JPH3: variants seen among roughly 807,000 people sequenced by gnomAD.
The protein encoded by JPH3 is junctophilin 3, also known as junctophilin-3.
JPH3 carries 11 observed loss-of-function variants against 59.6 expected under a neutral mutation model. The observed-to-expected ratio is 0.18, with a 90% CI of 0.12 to 0.31. The LOEUF is 0.31. Among genes scored for constraint, JPH3 ranks in the 10% least tolerant of loss-of-function variants. The probability of loss-of-function intolerance (pLI) is 1.00; values close to 1 mark genes in which losing one functional copy is unlikely to be tolerated. For missense variants in JPH3, 1,202 were observed against 1,105.7 expected, an observed-to-expected ratio of 1.09 and a Z score of -1.24; for synonymous variants, 673 against 483.6, an observed-to-expected ratio of 1.39 and a Z score of -5.14.
chr16:87,635,915 G>A (rs1049844613), intron 1 of JPH3, among the ~76,000 whole-genome samples: 2 of 152,242 alleles, frequency 1.3e-5, no homozygotes, highest in African/African-American at 2.4e-5. Flanking sequence ...CTGGAAGGAA[G>A]CAGGGCACCC....
chr16:87,684,092 T>A (rs983094917), intron 2 of JPH3, 50 bp from the exon 3 acceptor site: 1 of 1,443,642 alleles, frequency 6.9e-7, no homozygotes, highest in East Asian at 2.3e-5. Flanking sequence ...CCCAGACCCC[T>A]GTCACCTGTG....
intron 4 of JPH3, chr16:87,696,062 A>G (rs1567621865): frequency 2.2e-6 from 1 of 456,084 alleles, no homozygotes; most frequent in Non-Finnish European, 4.4e-6. Context: ...AGGTGTGGTG[A>G]GGGGGGGTTT....
chr16:87,603,590 C>T (rs1597228744), intron 1 of JPH3, 62 bp downstream of exon 1: 1 of 1,502,506 alleles, frequency 6.7e-7, no homozygotes, highest in South Asian at 1.3e-5. Flanking sequence ...CGCGCCCCTT[C>T]TGTGGATCTC....
Position 87,690,173 on chromosome 16 carries a change from G to A in JPH3, c.1813G>A (p.Glu605Lys). Reference protein sequence around the residue: ...PGGSRLLELQEEKLSNYRMEM... With the variant: ...PGGSRLLELQKEKLSNYRMEM... ...AGGCTCCAGGCTGCTGGAGCTGCAG[G>A]AGGAGAAGCTGAGCAACTACCGGAT... is the stretch of plus-strand genomic sequence containing the variant. The change falls in exon 4 of 5, where the codon GAG becomes AAG. Residue 605 changes from glutamate (E) to lysine (K), a missense_variant. Transcript: ENST00000284262. The A allele has an allele frequency of 6.2e-7, 1 of 1,600,030 alleles. No homozygotes were observed. Among genetic ancestry groups the A allele is most frequent in the Non-Finnish European group, 8.5e-7 (1 of 1,173,728 alleles).
At chr16:87,667,748 A>G (rs1191383819) in intron 2 of JPH3, among the ~76,000 whole-genome samples, 1 of 152,200 alleles carries the variant, frequency 6.6e-6, no homozygotes, top group African/African-American at 2.4e-5. Context: ...AGGACTAGAG[A>G]GTATTTTAGG....
chr16:87,648,517 G>A (rs2032227164), intron 2 of JPH3, among the ~76,000 whole-genome samples: 1 of 152,174 alleles, frequency 6.6e-6, no homozygotes, highest in South Asian at 2.1e-4. Context: ...AACGGTTTGC[G>A]GTGTCCTCCG....
chr16:87,640,283 C>T (rs886721756), intron 1 of JPH3, among the ~76,000 whole-genome samples: 1 of 151,292 alleles, frequency 6.6e-6, no homozygotes, highest in African/African-American at 2.4e-5. Flanking sequence ...GAGCTGAGAT[C>T]GCGCTACTGC....
At chr16:87,662,599 C>A (rs920449741) in intron 2 of JPH3, among the ~76,000 whole-genome samples, 1 of 152,200 alleles carries the variant, frequency 6.6e-6, no homozygotes, top group South Asian at 2.1e-4. Flanking sequence ...GCCCTCCTTT[C>A]CTGGCCCCCT....
chr16:87,661,295 C>A (rs2032695296), intron 2 of JPH3, among the ~76,000 whole-genome samples: 1 of 152,238 alleles, frequency 6.6e-6, no homozygotes, highest in Non-Finnish European at 1.5e-5. Flanking sequence ...TTTCCTGATC[C>A]TTAACTCAGT....
At chr16:87,686,675 C>T (rs113954795) in intron 3 of JPH3, among the ~76,000 whole-genome samples, 1,577 of 151,790 alleles carry the variant, frequency 0.01, 32 homozygotes, top group African/African-American at 0.037. Flanking sequence ...GGGCTCAGTC[C>T]TGGAGTCAGA....
chr16:87,664,809 G>C (rs2032811646), intron 2 of JPH3, among the ~76,000 whole-genome samples: 1 of 152,096 alleles, frequency 6.6e-6, no homozygotes. Flanking sequence ...CCCGGGGCCT[G>C]TGTGACTTGC....
At chr16:87,677,216 ACACACAC>A (rs2033169711) in intron 2 of JPH3, among the ~76,000 whole-genome samples, 2 of 119,226 alleles carry the variant, frequency 1.7e-5, no homozygotes, top group African/African-American at 7.5e-5. Flanking sequence ...ACACACACAC[ACACACAC>A]ACAAAAAAAA....
chr16:87,690,328 G>A lies in JPH3; in HGVS notation c.1968G>A (p.Arg656=), dbSNP rs755209651. ...GGGGCTTCGGGGTGCAGAGACTGCGGTCCAAGGCCCAGAACAAGGAGAACT... is the reference window on the plus strand; with the variant it reads ...GGGGCTTCGGGGTGCAGAGACTGCGATCCAAGGCCCAGAACAAGGAGAACT... The part of the protein sequence containing the change: ...EDRGFGVQRL[R]SKAQNKENFR... The change falls in exon 4 of 5, where the codon CGG becomes CGA. Residue 656 remains arginine (R), a synonymous_variant. Transcript: ENST00000284262. 1 of 1,588,238 alleles carries A rather than the reference G, an allele frequency of 6.3e-7. No homozygotes were observed. The highest frequency in any genetic ancestry group is 8.6e-7 in the Non-Finnish European group (1 of 1,168,380).
At chr16:87,651,711 T>C (rs769332128) in intron 2 of JPH3, among the ~76,000 whole-genome samples, 1 of 152,248 alleles carries the variant, frequency 6.6e-6, no homozygotes, top group Non-Finnish European at 1.5e-5. Context: ...GAGGAGTTGC[T>C]GCTTAGGGGT....
At chr16:87,667,259 T>C (rs1401253427) in intron 2 of JPH3, among the ~76,000 whole-genome samples, 3 of 152,242 alleles carry the variant, frequency 2.0e-5, no homozygotes, top group South Asian at 4.1e-4. Flanking sequence ...GGATGCCCTC[T>C]TCTCAAGAGC....
Position 87,697,564 on chromosome 16 carries a change from C to T in JPH3, c.*904C>T, listed in dbSNP as rs1043930331. 4 of 152,324 alleles carry T rather than the reference C, an allele frequency of 2.6e-5. No homozygotes were observed. Among genetic ancestry groups the T allele is most frequent in the African/African-American group, 9.7e-5 (4 of 41,426 alleles). The allele number at this position is 152,324 out of a possible 1,614,324, so 9.4% of individuals were successfully genotyped here. ...GTTCCGTGTCCCCAGCAGTGAGGGCCCTAGAGGACGCCTTCTCCCATGGTT... is the reference window on the plus strand; with the variant it reads ...GTTCCGTGTCCCCAGCAGTGAGGGCTCTAGAGGACGCCTTCTCCCATGGTT... On this transcript the variant is annotated 3_prime_UTR_variant, in exon 5 of 5. Coordinates refer to ENST00000284262, the MANE Select transcript of JPH3 (RefSeq NM_020655.4).
At chr16:87,687,062 G>C (rs2033436661) in intron 3 of JPH3, among the ~76,000 whole-genome samples, 1 of 152,220 alleles carries the variant, frequency 6.6e-6, no homozygotes, top group South Asian at 2.1e-4. Flanking sequence ...TTTTTTACAA[G>C]CGCTGGGACT....
intron 3 of JPH3, among the ~76,000 whole-genome samples, chr16:87,688,357 G>A (rs2033468372): frequency 3.3e-5 from 5 of 152,246 alleles, no homozygotes; most frequent in Admixed American, 3.3e-4. Context: ...CAGCCTGGTG[G>A]CGTCGCAGCG....
chr16:87,638,036 C>T (rs1336449691), intron 1 of JPH3, among the ~76,000 whole-genome samples: 1 of 152,152 alleles, frequency 6.6e-6, no homozygotes, highest in Non-Finnish European at 1.5e-5. Context: ...TCTCCTGCCT[C>T]TGCCTCCCCA....
Sources: allele counts gnomAD v4.1 joint callset (sites outside exome capture counted in the v4.1 genomes callset), GRCh38; gene constraint gnomAD v4.1.1; transcripts MANE v1.5; gene names NCBI Gene and HGNC (gene_info 2026-07-23, HGNC 2026-07-21).